The following SORBS2 variants were observed in gnomAD, a reference collection of about 807,000 sequenced individuals.
SORBS2 encodes the protein sorbin and SH3 domain containing 2.
A neutral mutation model predicts 97.7 loss-of-function variants in SORBS2; 46 were observed. The observed-to-expected ratio is 0.47, with a 90% CI of 0.37 to 0.60. The LOEUF (loss-of-function observed/expected upper bound fraction) is 0.60. Ranked by LOEUF, SORBS2 falls within the 20% of genes least tolerant of loss-of-function variation. The probability of loss-of-function intolerance (pLI) is 0.00; values close to 1 mark genes in which losing one functional copy is unlikely to be tolerated. For synonymous variants in SORBS2, 476 were observed against 473.4 expected (o/e 1.01, Z -0.07); for missense variants, 1,316 against 1,282.3 (o/e 1.03, Z -0.40).
intron 1 of SORBS2, among the ~76,000 whole-genome samples, chr4:185,779,659 C>A (rs1374131166): frequency 1.3e-5 from 2 of 152,184 alleles, no homozygotes; most frequent in Non-Finnish European, 2.9e-5. Context: ...GTAGTTTTCC[C>A]ATGAGTATTG....
chr4:185,646,562 G>T, intron 4 of SORBS2, 106 bp downstream of exon 13: 1 of 657,896 alleles, frequency 1.5e-6, no homozygotes. Context: ...ATTTCTAAGT[G>T]ATTACCTTTG....
Position 185,953,951 on chromosome 4 carries a change from C to A in SORBS2, c.-338+2245G>T, listed in dbSNP as rs577372819. Reference sequence around the variant, plus strand: ...CCATTATCTCATGCCTGGAGGACATCCCGGAGGGAGACGTCCTTTCTTTTG... The same window carrying A: ...CCATTATCTCATGCCTGGAGGACATACCGGAGGGAGACGTCCTTTCTTTTG... On this transcript the variant is annotated intron_variant, in intron 1 of 20. Coordinates refer to the SORBS2 transcript ENST00000284776. Among the ~76,000 whole-genome samples, 6 of 152,350 alleles carry A rather than the reference C, an allele frequency of 3.9e-5. No homozygotes were observed. The South Asian group carries it at 1.2e-3, about 32-fold the overall frequency.
chr4:185,596,495 T>G (rs1444934194), intron 12 of SORBS2, among the ~76,000 whole-genome samples: 1 of 151,662 alleles, frequency 6.6e-6, no homozygotes, highest in Non-Finnish European at 1.5e-5. Flanking sequence ...CTGGAGAACG[T>G]ATGTTCCTGT....
chr4:185,888,628 C>T (rs1459134693), intron 1 of SORBS2, among the ~76,000 whole-genome samples: 1 of 152,174 alleles, frequency 6.6e-6, no homozygotes, highest in African/African-American at 2.4e-5. Flanking sequence ...GTTTTCCTAC[C>T]TTCTCCCAAC....
At chr4:185,877,322 CA>C (rs988424580) in intron 1 of SORBS2, among the ~76,000 whole-genome samples, 4 of 151,100 alleles carry the variant, frequency 2.6e-5, no homozygotes, top group Non-Finnish European at 5.9e-5. Context: ...CCAAAGTAAG[CA>C]AAAAAAAGAG....
intron 1 of SORBS2, among the ~76,000 whole-genome samples, chr4:185,816,238 C>G (rs1214124405): frequency 2.0e-5 from 3 of 150,194 alleles, no homozygotes; most frequent in Non-Finnish European, 4.4e-5. Context: ...CTGCTTGAAG[C>G]AATAGGTTCT....
At chr4:185,840,312 G>C (rs111752533) in intron 1 of SORBS2, among the ~76,000 whole-genome samples, 3 of 152,202 alleles carry the variant, frequency 2.0e-5, no homozygotes, top group Non-Finnish European at 2.9e-5. Context: ...ATGCCTGCTT[G>C]TTTGCAGACC....
At chr4:185,839,913 A>G (rs1268535076) in intron 1 of SORBS2, among the ~76,000 whole-genome samples, 3 of 152,222 alleles carry the variant, frequency 2.0e-5, no homozygotes, top group South Asian at 2.1e-4. Flanking sequence ...AGAGGGCTCC[A>G]GTAAGCAGAG....
intron 2 of SORBS2, among the ~76,000 whole-genome samples, chr4:185,716,742 C>T (rs12644930): frequency 0.055 from 8,304 of 152,206 alleles, 326 homozygotes; most frequent in East Asian, 0.16. Flanking sequence ...GGAGCAGCAG[C>T]TCCCTGGATT....
chr4:185,914,981 C>T (rs908824617), intron 1 of SORBS2, among the ~76,000 whole-genome samples: 5 of 152,068 alleles, frequency 3.3e-5, no homozygotes, highest in Non-Finnish European at 7.3e-5. Context: ...TCAGTGGTGA[C>T]GTGTGGCAAA....
At chr4:185,918,112 TCAAA>T (rs1478383346) in intron 1 of SORBS2, 1 of 152,148 alleles carries the variant, frequency 6.6e-6, no homozygotes, top group Non-Finnish European at 1.5e-5. Context: ...TTACTAGGCA[TCAAA>T]CAAACTCAAA....
chr4:185,599,404 A>G (rs2096200090), intron 12 of SORBS2, among the ~76,000 whole-genome samples: 1 of 152,196 alleles, frequency 6.6e-6, no homozygotes, highest in African/African-American at 2.4e-5. Flanking sequence ...TAGCTAAGGG[A>G]AAGTAATTTG....
At chr4:185,648,002 G>C (rs560581254) in intron 3 of SORBS2, among the ~76,000 whole-genome samples, 2 of 152,058 alleles carry the variant, frequency 1.3e-5, no homozygotes, top group African/African-American at 4.8e-5. Flanking sequence ...CAATTTTAAG[G>C]CCTCACATAA....
chr4:185,934,321 AG>A (rs1396571821), intron 1 of SORBS2, among the ~76,000 whole-genome samples: 3 of 152,234 alleles, frequency 2.0e-5, no homozygotes, highest in Non-Finnish European at 2.9e-5. Context: ...AACATGAATA[AG>A]GCACTGTCCC....
intron 4 of SORBS2, chr4:185,677,482 A>T (rs1014227898): frequency 1.3e-6 from 2 of 1,551,928 alleles, no homozygotes; most frequent in Non-Finnish European, 1.7e-6. Flanking sequence ...TCTTCATTGG[A>T]ATACATAGTT....
chr4:185,622,572 T>C (rs1248058614), intron 7 of SORBS2, among the ~76,000 whole-genome samples: 2 of 152,234 alleles, frequency 1.3e-5, no homozygotes, highest in Non-Finnish European at 2.9e-5. Flanking sequence ...TGTGGAACTA[T>C]AGGTTTTGAT....
chr4:185,587,415 C>T, exon 15 of SORBS2: 1 of 549,066 alleles, frequency 1.8e-6, no homozygotes, highest in East Asian at 3.1e-5. Context: ...AAGTAGGAAT[C>T]CACACTTTCA....
At chr4:185,945,298 A>G (rs2099274014) in intron 1 of SORBS2, among the ~76,000 whole-genome samples, 1 of 152,242 alleles carries the variant, frequency 6.6e-6, no homozygotes, top group Admixed American at 6.5e-5. Context: ...TGAGAGAATA[A>G]TGTTGAATAA....
At chr4:185,943,692 A>C (rs2099273187) in intron 1 of SORBS2, among the ~76,000 whole-genome samples, 1 of 152,212 alleles carries the variant, frequency 6.6e-6, no homozygotes, top group South Asian at 2.1e-4. Context: ...CAAAAGAATA[A>C]AATAATTTAA....
Sources: gnomAD v4.1 joint callset for allele counts (sites outside exome capture counted in the v4.1 genomes callset) on GRCh38, gnomAD v4.1.1 for gene constraint, MANE v1.5 for transcripts, NCBI Gene and HGNC (gene_info 2026-07-23, HGNC 2026-07-21) for gene names.